Variants in SPACA3 observed in about 807,000 individuals in gnomAD.
The protein encoded by SPACA3 is sperm acrosome membrane-associated protein 3.
SPACA3 carries 21 observed loss-of-function variants against 24.5 expected under a neutral mutation model. That is an observed-to-expected ratio of 0.86 (90% CI 0.61 to 1.24). SPACA3 has a LOEUF of 1.24. Ranked by LOEUF, SPACA3 falls within the 50% of genes most tolerant of loss-of-function variation. The probability of loss-of-function intolerance (pLI) is 0.00; values close to 1 mark genes in which losing one functional copy is unlikely to be tolerated. For missense variants in SPACA3, 278 were observed against 275.5 expected, an observed-to-expected ratio of 1.01 and a Z score of -0.06; for synonymous variants, 115 against 106.9, an observed-to-expected ratio of 1.08 and a Z score of -0.47.
chr17:32,997,265 C>T (rs908166942), intron 3 of SPACA3, among the ~76,000 whole-genome samples, 180 bp from the exon 4 acceptor site: 1 of 150,550 alleles, frequency 6.6e-6, no homozygotes, highest in Admixed American at 6.6e-5. Context: ...TAGGGTTGTA[C>T]CTGTGCTTCC....
rs545399293 is a variant in SPACA3 at position 32,997,347 on chromosome 17, A to G, written c.503-98A>G. The G allele has an allele frequency of 1.1e-4, 82 of 764,426 alleles. No individual in the cohort carries two copies. In the East Asian group the frequency reaches 1.2e-3, roughly 11 times the overall value. The allele number at this position is 764,426 out of a possible 1,614,324, so 47.4% of individuals were successfully genotyped here. ...TGTGTGTGTGTGTGTGTGTGTGTAGAGAGAGAGAGAGAGACAGACAGATAC... is the reference window on the plus strand; with the variant it reads ...TGTGTGTGTGTGTGTGTGTGTGTAGGGAGAGAGAGAGAGACAGACAGATAC... On this transcript the variant is annotated intron_variant, in intron 3 of 4. Transcript: ENST00000269053.
chr17:32,992,798 A>G lies in SPACA3; in HGVS notation c.34+826A>G, dbSNP rs1421732352. ...TGGCACTGCTGAAACATAACGTGTGAATGAGGGAGTGGGCCGCAGGGCTGG... is the reference window on the plus strand; with the variant it reads ...TGGCACTGCTGAAACATAACGTGTGGATGAGGGAGTGGGCCGCAGGGCTGG... On this transcript the variant is annotated intron_variant, in intron 1 of 4. Transcript: ENST00000269053. 1.6e-5 allele frequency: 7 copies of G among 441,924 alleles called. No homozygotes were observed. The East Asian group carries it at 2.8e-4, about 18-fold the overall frequency. 27.4% of individuals were successfully genotyped at this position (441,924 alleles called of 1,614,324 possible). A position where few individuals can be genotyped will look rare whatever the true frequency, so the allele number is the denominator to read the frequency against.
At chr17:32,993,717 G>A (rs183289360) in intron 1 of SPACA3, among the ~76,000 whole-genome samples, 5 of 152,036 alleles carry the variant, frequency 3.3e-5, no homozygotes, top group Non-Finnish European at 5.9e-5. Flanking sequence ...GAGTTTGGGC[G>A]AGAAGAGGGG....
At chr17:32,996,707 G>A (rs1190772328) in intron 2 of SPACA3, 136 bp from the exon 3 acceptor site, 1 of 797,630 alleles carries the variant, frequency 1.3e-6, no homozygotes, top group Non-Finnish European at 1.6e-6. Flanking sequence ...CAAAGCAGGT[G>A]GGAGGCACCT....
intron 1 of SPACA3, among the ~76,000 whole-genome samples, chr17:32,992,400 T>C (rs2091695066): frequency 6.6e-6 from 1 of 152,090 alleles, no homozygotes; most frequent in Non-Finnish European, 1.5e-5. Context: ...CTCACTCCCC[T>C]CGCGGTGAGA....
intron 1 of SPACA3, among the ~76,000 whole-genome samples, chr17:32,993,594 C>A (rs143161448): frequency 1.3e-5 from 2 of 152,006 alleles, no homozygotes; most frequent in Admixed American, 6.6e-5. Flanking sequence ...GAGACAGAGT[C>A]GAAGGGGGCC....
At chr17:32,995,826 C>T (rs1476565172) in intron 2 of SPACA3, 109 bp downstream of exon 2, 2 of 1,259,696 alleles carry the variant, frequency 1.6e-6, no homozygotes, top group Non-Finnish European at 2.2e-6. Context: ...CTTTTAGAGC[C>T]CTTCTGTAAA....
chr17:32,997,580 C>T (rs905102466), intron 4 of SPACA3, 57 bp downstream of exon 4: 1 of 1,556,982 alleles, frequency 6.4e-7, no homozygotes, highest in East Asian at 2.2e-5. Context: ...TGGTGGGCAG[C>T]AGCAGGGAAC....
chr17:32,992,566 G>T (rs980039395), intron 1 of SPACA3, among the ~76,000 whole-genome samples: 1 of 152,212 alleles, frequency 6.6e-6, no homozygotes, highest in Admixed American at 6.5e-5. Context: ...TTTGTGGTGG[G>T]AAAGACTGAC....
At chr17:32,997,548 G>T (rs780726980) in intron 4 of SPACA3, 25 bp downstream of exon 4, 1 of 1,603,872 alleles carries the variant, frequency 6.2e-7, no homozygotes, top group East Asian at 2.2e-5. Context: ...CTGGAGCCCC[G>T]CAGCGGTGGT....
intron 3 of SPACA3, 101 bp from the exon 4 acceptor site, chr17:32,997,344 T>TGTGTGTGTAGAGAG (rs140846693): frequency 9.9e-6 from 6 of 605,252 alleles, no homozygotes; most frequent in Admixed American, 5.3e-5. Flanking sequence ...TGTGTGTGTG[T>TGTGTGTGTAGAGAG]AGAGAGAGAG....
At chr17:32,993,953 A>C (rs2091707316) in intron 1 of SPACA3, among the ~76,000 whole-genome samples, 1 of 152,100 alleles carries the variant, frequency 6.6e-6, no homozygotes, top group Admixed American at 6.5e-5. Flanking sequence ...CCCCGTACCC[A>C]AACAATGACG....
chr17:32,997,322 T>C, intron 3 of SPACA3, 123 bp from the exon 4 acceptor site: 1 of 739,942 alleles, frequency 1.4e-6, no homozygotes, highest in Non-Finnish European at 2.2e-6. Flanking sequence ...AGTGTGTGTG[T>C]GTGTGTGTGT....
intron 1 of SPACA3, among the ~76,000 whole-genome samples, chr17:32,993,333 C>T (rs377674941): frequency 9.9e-5 from 15 of 152,188 alleles, no homozygotes; most frequent in South Asian, 2.1e-4. Flanking sequence ...AGCCTTCAGG[C>T]GGTGGCTAAC....
chr17:32,994,302 A>G (rs1019333089), intron 1 of SPACA3, among the ~76,000 whole-genome samples: 2 of 152,126 alleles, frequency 1.3e-5, no homozygotes, highest in East Asian at 3.9e-4. Context: ...TCTTCCAACA[A>G]TCATATGAGG....
chr17:32,997,106 C>T (rs1267629868), intron 3 of SPACA3, 105 bp downstream of exon 3: 7 of 1,327,232 alleles, frequency 5.3e-6, no homozygotes, highest in East Asian at 5.0e-5. Context: ...AGGGTTCCCC[C>T]ACATCAGGCT....
At chr17:32,994,553 G>A (rs1182761632) in intron 1 of SPACA3, among the ~76,000 whole-genome samples, 6 of 152,212 alleles carry the variant, frequency 3.9e-5, no homozygotes, top group Non-Finnish European at 8.8e-5. Context: ...CTCTGTGAAG[G>A]TGGAGAGCAG....
At chr17:32,997,296 G>A in intron 3 of SPACA3, 149 bp from the exon 4 acceptor site, 1 of 783,014 alleles carries the variant, frequency 1.3e-6, no homozygotes, top group Non-Finnish European at 2.1e-6. Context: ...AGACAGGATT[G>A]GATTTAGGCG....
chr17:32,997,106 C>A, intron 3 of SPACA3, 105 bp downstream of exon 3: 2 of 1,327,230 alleles, frequency 1.5e-6, no homozygotes, highest in East Asian at 2.5e-5. Flanking sequence ...AGGGTTCCCC[C>A]ACATCAGGCT....
Sources: allele counts gnomAD v4.1 joint callset (sites outside exome capture counted in the v4.1 genomes callset), GRCh38; gene constraint gnomAD v4.1.1; transcripts MANE v1.5; gene names NCBI Gene and HGNC (gene_info 2026-07-23, HGNC 2026-07-21).